Variants in CACNA2D2 observed in about 807,000 individuals in gnomAD.
CACNA2D2 encodes the protein voltage-dependent calcium channel subunit alpha-2/delta-2.
CACNA2D2 carries 48 observed loss-of-function variants against 166.4 expected under a neutral mutation model. The ratio of observed to expected loss-of-function variants is 0.29; its 90% CI spans 0.23 to 0.37. The LOEUF (loss-of-function observed/expected upper bound fraction) is 0.37. Among genes scored for constraint, CACNA2D2 ranks in the 10% least tolerant of loss-of-function variants. The pLI is 1.00. For synonymous variants in CACNA2D2, 561 were observed against 573.7 expected (o/e 0.98, Z 0.32); for missense variants, 1,122 against 1,433.0 (o/e 0.78, Z 3.50).
chr3:50,498,532 G>A (rs1034900458), intron 1 of CACNA2D2, among the ~76,000 whole-genome samples: 3 of 152,296 alleles, frequency 2.0e-5, no homozygotes, highest in East Asian at 3.9e-4. Flanking sequence ...AGCAGGCCTG[G>A]CCCATAACTC....
At chr3:50,438,982 G>C (rs1224152573) in intron 2 of CACNA2D2, among the ~76,000 whole-genome samples, 1 of 152,194 alleles carries the variant, frequency 6.6e-6, no homozygotes, top group Non-Finnish European at 1.5e-5. Flanking sequence ...CCCTGAGGAG[G>C]GTCCATTCTG....
In CACNA2D2 at chr3:50,365,521, C is replaced by T. The variant is rs587667347; in HGVS notation, c.2972-39G>A. On this transcript the variant is annotated intron_variant, in intron 34 of 37. Coordinates refer to ENST00000424201, the MANE Select transcript of CACNA2D2 (RefSeq NM_006030.4). The surrounding 1 kb of genome is among the most constrained non-coding windows in gnomAD (Gnocchi z 4.5). The stretch of plus-strand genomic sequence containing the variant: ...GAGCGCCTCAGCTCCGCCCACAGAC[C>T]CTGGCAAGGTCTCCGGCCTCCCTCA... The T allele has an allele frequency of 1.8e-4, 293 of 1,606,772 alleles. 4 individuals are homozygous for T. The South Asian group carries it at 2.8e-3, about 15-fold the overall frequency.
chr3:50,386,093 C>T (rs1011044809), intron 5 of CACNA2D2, among the ~76,000 whole-genome samples: 5 of 152,088 alleles, frequency 3.3e-5, no homozygotes, highest in Admixed American at 6.5e-5. Context: ...AAAATGTGTG[C>T]GTGCTGTCAT....
intron 1 of CACNA2D2, among the ~76,000 whole-genome samples, chr3:50,498,601 T>C (rs1460943801): frequency 6.6e-6 from 1 of 152,012 alleles, no homozygotes; most frequent in East Asian, 1.9e-4. Flanking sequence ...TGTGTATACG[T>C]GGGAGGTAGA....
chr3:50,464,884 G>T (rs1709762784), intron 2 of CACNA2D2, among the ~76,000 whole-genome samples: 1 of 152,264 alleles, frequency 6.6e-6, no homozygotes, highest in South Asian at 2.1e-4. Context: ...CTGCAAGGCT[G>T]CTGGAAAGCA....
intron 1 of CACNA2D2, among the ~76,000 whole-genome samples, chr3:50,498,320 A>G (rs1575788825): frequency 6.6e-6 from 1 of 152,086 alleles, no homozygotes; most frequent in Non-Finnish European, 1.5e-5. Context: ...AGCATCTATA[A>G]GATCCTAGCC....
At chr3:50,466,515 A>C (rs942813428) in intron 2 of CACNA2D2, among the ~76,000 whole-genome samples, 2 of 152,196 alleles carry the variant, frequency 1.3e-5, no homozygotes, top group African/African-American at 4.8e-5. Flanking sequence ...ATCTATGGAC[A>C]CACAAACGCT....
In CACNA2D2 at chr3:50,378,943, C is replaced by A. The variant is rs751421251; in HGVS notation, c.1311G>T (p.Pro437=). Residue 437 remains proline (P), a synonymous_variant, in exon 13 of 38, where the codon CCG becomes CCT. Transcript: ENST00000424201. ...SVGQHNYDVT[P]LQWMACANKG... ...TGTTGGCACAGGCCATCCACTGCAGCGGTGTGACGTCATAGTTATGCTGCC... is the reference window on the plus strand; with the variant it reads ...TGTTGGCACAGGCCATCCACTGCAGAGGTGTGACGTCATAGTTATGCTGCC... 4.3e-6 allele frequency: 7 copies of A among 1,613,846 alleles called. No homozygotes were observed. The Admixed American group carries it at 1.2e-4, about 27-fold the overall frequency.
chr3:50,378,722 G>A (rs144423512), intron 13 of CACNA2D2, among the ~76,000 whole-genome samples, 193 bp downstream of exon 13: 1 of 152,344 alleles, frequency 6.6e-6, no homozygotes, highest in East Asian at 1.9e-4. Context: ...AGACAGACGG[G>A]CAAAAAGAGG....
chr3:50,362,941 A>G lies in CACNA2D2; in HGVS notation c.*1725T>C. The G allele has an allele frequency of 2.5e-6, 1 of 396,970 alleles. No homozygotes were observed. Among genetic ancestry groups the G allele is most frequent in the East Asian group, 3.6e-5 (1 of 28,036 alleles). The allele number at this position is 396,970 out of a possible 1,614,324, so 24.6% of individuals were successfully genotyped here. On this transcript the variant is annotated 3_prime_UTR_variant, in exon 38 of 38. Transcript: ENST00000424201. ...GCTGTTGTTTTTCCAACTTGTCTGT[A>G]CAAAATAGAACAACAAAAAAAGGGC...
intron 1 of CACNA2D2, among the ~76,000 whole-genome samples, chr3:50,496,714 G>A (rs575286729): frequency 2.0e-5 from 3 of 152,322 alleles, no homozygotes; most frequent in South Asian, 2.1e-4. Context: ...GTACAGCCAC[G>A]GAAGCCCTGT....
intron 22 of CACNA2D2, among the ~76,000 whole-genome samples, chr3:50,374,481 C>A (rs1041699294): frequency 3.3e-5 from 5 of 151,564 alleles, no homozygotes; most frequent in African/African-American, 1.2e-4. Flanking sequence ...AGGGAAGACA[C>A]GGAGTAGGAG....
rs1340406089 is a variant in CACNA2D2 at position 50,384,317 on chromosome 3, A to T, written c.531T>A (p.Asp177Glu). 1 of 1,613,954 alleles carries T rather than the reference A, an allele frequency of 6.2e-7. No individual in the cohort carries two copies. Among genetic ancestry groups the T allele is most frequent in the African/African-American group, 1.3e-5 (1 of 75,004 alleles). ...TGCTGGCCTTAGACCCCCTTTCCACATCCTCACTCTCAGGGTCGTCCTGCA... is the reference window on the plus strand; with the variant it reads ...TGCTGGCCTTAGACCCCCTTTCCACTTCCTCACTCTCAGGGTCGTCCTGCA... ...DAELDDPESE[D>E]VERGSKASTL... The change falls in exon 6 of 38, where the codon GAT (aspartate) becomes GAA (glutamate). Residue 177 changes from aspartate (D) to glutamate (E), a missense_variant. Transcript: ENST00000424201.
chr3:50,402,365 T>A (rs575857880), intron 3 of CACNA2D2, among the ~76,000 whole-genome samples: 16 of 152,252 alleles, frequency 1.1e-4, no homozygotes, highest in Admixed American at 1.0e-3. Context: ...CAGGAGGACG[T>A]GTGGGTGGAC....
chr3:50,389,149 G>A (rs1270058986), intron 4 of CACNA2D2, among the ~76,000 whole-genome samples: 1 of 152,334 alleles, frequency 6.6e-6, no homozygotes. Context: ...TGCAGCCCCG[G>A]TGGGCCTGGG....
intron 3 of CACNA2D2, chr3:50,415,692 T>G (rs992732176): frequency 6.6e-6 from 1 of 151,594 alleles, no homozygotes; most frequent in Admixed American, 6.6e-5. Context: ...CTGTGCACTC[T>G]CTGAGGCAGG....
At chr3:50,408,231 C>T (rs1185768343) in intron 3 of CACNA2D2, among the ~76,000 whole-genome samples, 1 of 152,240 alleles carries the variant, frequency 6.6e-6, no homozygotes. Context: ...CCCTGTGTCC[C>T]TGGGCAGCAA....
intron 4 of CACNA2D2, among the ~76,000 whole-genome samples, chr3:50,388,088 G>A (rs1705701981): frequency 6.6e-6 from 1 of 152,206 alleles, no homozygotes; most frequent in African/African-American, 2.4e-5. Flanking sequence ...TGAAATGCGA[G>A]GGGGTTTCCA....
At position 50,471,601 on chromosome 3, in the gene CACNA2D2, G is replaced by A. The variant is rs372221716; in HGVS notation, c.288+4517C>T. Among the ~76,000 whole-genome samples, 187 of 152,350 alleles carry A rather than the reference G, an allele frequency of 1.2e-3. 6 individuals are homozygous for A. In the South Asian group the frequency reaches 0.038, roughly 31 times the overall value. On this transcript the variant is annotated intron_variant, in intron 2 of 37. Coordinates refer to ENST00000424201, the MANE Select transcript of CACNA2D2 (RefSeq NM_006030.4). ...AGCTCAGCCTCAGCCAGCACCCCCA[G>A]AGTCAGTGTGTGAGTGTGCATGTGT...
Sources: allele counts gnomAD v4.1 joint callset (sites outside exome capture counted in the v4.1 genomes callset), GRCh38; gene constraint gnomAD v4.1.1; non-coding constraint Gnocchi (gnomAD v3.1); transcripts MANE v1.5; gene names NCBI Gene and HGNC (gene_info 2026-07-23, HGNC 2026-07-21).